Variants in TNRC6B observed in about 807,000 individuals in gnomAD.
TNRC6B encodes the protein trinucleotide repeat containing adaptor 6B.
In TNRC6B, 52 loss-of-function variants were observed where a neutral mutation model predicts 203.6. The observed-to-expected ratio is 0.26, with a 90% CI of 0.20 to 0.32. The LOEUF is 0.32. TNRC6B is among the 10% of genes least tolerant of loss of function. TNRC6B has a pLI of 1.00. For missense variants in TNRC6B, 1,923 were observed against 2,286.2 expected, an observed-to-expected ratio of 0.84 and a Z score of 3.24; for synonymous variants, 838 against 845.7, an observed-to-expected ratio of 0.99 and a Z score of 0.16.
chr22:40,277,944 T>A (rs979275857), intron 8 of TNRC6B, 55 bp from the exon 9 acceptor site: 67 of 1,390,560 alleles, frequency 4.8e-5, no homozygotes, highest in Non-Finnish European at 7.0e-6. Flanking sequence ...ATGCCACTTC[T>A]TTGATTCAAA....
At chr22:40,297,622 G>C (rs1023702705) in intron 12 of TNRC6B, among the ~76,000 whole-genome samples, 1 of 152,164 alleles carries the variant, frequency 6.6e-6, no homozygotes, top group Non-Finnish European at 1.5e-5. Flanking sequence ...AGGAGTTCGA[G>C]ATCAGCCTGG....
chr22:40,192,753 C>T (rs1033614948), intron 1 of TNRC6B, among the ~76,000 whole-genome samples: 2 of 152,008 alleles, frequency 1.3e-5, no homozygotes, highest in African/African-American at 2.4e-5. Flanking sequence ...TTGGGGTAGG[C>T]GGTCAGTGGG....
At chr22:40,139,286 T>C (rs1262600873) in intron 3 of TNRC6B, among the ~76,000 whole-genome samples, 1 of 152,154 alleles carries the variant, frequency 6.6e-6, no homozygotes, top group Non-Finnish European at 1.5e-5. Context: ...CCTCAGTCCT[T>C]TGAATGGCTG....
intron 1 of TNRC6B, among the ~76,000 whole-genome samples, chr22:40,184,643 A>G (rs1225455656): frequency 1.3e-5 from 2 of 152,212 alleles, no homozygotes; most frequent in African/African-American, 4.8e-5. Context: ...ACCAGATGAT[A>G]CTGTAGTAAT....
At chr22:40,139,698 A>T (rs1052725769) in intron 3 of TNRC6B, among the ~76,000 whole-genome samples, 39 of 152,188 alleles carry the variant, frequency 2.6e-4, no homozygotes, top group Non-Finnish European at 1.6e-4. Context: ...GACTGCTATG[A>T]ACATTAATAA....
In TNRC6B at chr22:40,324,645, C is replaced by T. The variant is rs2071380831; in HGVS notation, c.*1404C>T. The T allele has an allele frequency of 6.6e-6, 1 of 152,670 alleles. No homozygotes were observed. The highest frequency in any genetic ancestry group is 1.9e-4 in the East Asian group (1 of 5,196). The allele number at this position is 152,670 out of a possible 1,614,324, so 9.5% of individuals were successfully genotyped here. A position where few individuals can be genotyped will look rare whatever the true frequency, so the allele number is the denominator to read the frequency against. ...GCCGTGGCGCGTTACAGCACCAGGC[C>T]ATCACTGACAGAAACGTTTACTTAA... On this transcript the variant is annotated 3_prime_UTR_variant, in exon 23 of 23. Coordinates refer to ENST00000454349, the MANE Select transcript of TNRC6B (RefSeq NM_001162501.2).
intron 15 of TNRC6B, among the ~76,000 whole-genome samples, chr22:40,302,565 G>A (rs769631337): frequency 7.2e-5 from 11 of 151,850 alleles, no homozygotes; most frequent in African/African-American, 2.2e-4. Flanking sequence ...CCCGGGAGAC[G>A]GAGGTTGCAG....
chr22:40,300,124 C>T (rs1450784582), intron 12 of TNRC6B, among the ~76,000 whole-genome samples: 1 of 152,168 alleles, frequency 6.6e-6, no homozygotes, highest in Non-Finnish European at 1.5e-5. Flanking sequence ...TTTTATGGCA[C>T]ATTTCCAGTA....
At chr22:40,226,851 C>CT (rs1338944931) in intron 1 of TNRC6B, among the ~76,000 whole-genome samples, 1 of 152,148 alleles carries the variant, frequency 6.6e-6, no homozygotes, top group Non-Finnish European at 1.5e-5. Flanking sequence ...GGGAGGGGCT[C>CT]TTAGTTGAGT....
chr22:40,159,125 G>C (rs1391797850), intron 4 of TNRC6B, among the ~76,000 whole-genome samples: 2 of 151,436 alleles, frequency 1.3e-5, no homozygotes, highest in Admixed American at 1.3e-4. Context: ...ATCACACCCG[G>C]CTGATTTTTC....
At chr22:40,234,439 C>T (rs1480100710) in intron 1 of TNRC6B, among the ~76,000 whole-genome samples, 2 of 152,196 alleles carry the variant, frequency 1.3e-5, no homozygotes, top group Admixed American at 6.5e-5. Flanking sequence ...AGTGCATACT[C>T]GTGTGCTGCT....
intron 1 of TNRC6B, among the ~76,000 whole-genome samples, chr22:40,219,671 C>T (rs2069681777): frequency 6.6e-6 from 1 of 152,194 alleles, no homozygotes; most frequent in African/African-American, 2.4e-5. Context: ...TGTCTTGGGT[C>T]TGTCTTTCCT....
At chr22:40,201,713 C>G (rs1191901952) in intron 1 of TNRC6B, among the ~76,000 whole-genome samples, 1 of 152,014 alleles carries the variant, frequency 6.6e-6, no homozygotes, top group African/African-American at 2.4e-5. Flanking sequence ...TTGTGAGCCA[C>G]CACACCCAGC....
At chr22:40,165,884 G>A (rs918309372) in intron 4 of TNRC6B, among the ~76,000 whole-genome samples, 3 of 152,154 alleles carry the variant, frequency 2.0e-5, no homozygotes, top group Admixed American at 2.0e-4. Context: ...TGGAGATTAT[G>A]GGAACTACAG....
intron 12 of TNRC6B, among the ~76,000 whole-genome samples, chr22:40,297,012 A>T (rs2070953420): frequency 6.6e-6 from 1 of 152,238 alleles, no homozygotes; most frequent in African/African-American, 2.4e-5. Context: ...TCCCAATTCC[A>T]GGAAAGAATC....
chr22:40,280,604 T>G (rs1361091221), intron 10 of TNRC6B, among the ~76,000 whole-genome samples: 1 of 152,264 alleles, frequency 6.6e-6, no homozygotes, highest in Non-Finnish European at 1.5e-5. Context: ...CTACCTAATT[T>G]AACCAAGCAG....
At chr22:40,295,754 G>T (rs1255130063) in intron 12 of TNRC6B, among the ~76,000 whole-genome samples, 1 of 152,134 alleles carries the variant, frequency 6.6e-6, no homozygotes, top group Non-Finnish European at 1.5e-5. Flanking sequence ...TAGATTAAAA[G>T]AACCTTTAGA....
chr22:40,307,458 C>G (rs2071102858), intron 15 of TNRC6B, among the ~76,000 whole-genome samples: 1 of 152,212 alleles, frequency 6.6e-6, no homozygotes, highest in East Asian at 1.9e-4. Flanking sequence ...TATTCTCCCC[C>G]TCCCCTGTTT....
intron 1 of TNRC6B, among the ~76,000 whole-genome samples, chr22:40,213,476 C>G (rs1481375165): frequency 2.6e-5 from 4 of 152,174 alleles, no homozygotes; most frequent in African/African-American, 9.7e-5. Context: ...GGAGATGAGA[C>G]TTGGCCCATC....
Sources: allele counts gnomAD v4.1 joint callset (sites outside exome capture counted in the v4.1 genomes callset), GRCh38; gene constraint gnomAD v4.1.1; transcripts MANE v1.5; gene names NCBI Gene and HGNC (gene_info 2026-07-23, HGNC 2026-07-21).